The following AGAP1 variants were observed in gnomAD, a reference collection of about 807,000 sequenced individuals.
AGAP1 encodes the protein arf-GAP with GTPase, ANK repeat and PH domain-containing protein 1.
In AGAP1, 29 loss-of-function variants were observed where a neutral mutation model predicts 105.3. That is an observed-to-expected ratio of 0.28 (90% CI 0.21 to 0.38). AGAP1 has a LOEUF of 0.38. Among genes scored for constraint, AGAP1 ranks in the 10% least tolerant of loss-of-function variants. AGAP1 has a pLI of 1.00. For missense variants in AGAP1, 998 were observed against 1,165.1 expected (o/e 0.86, Z 2.09); for synonymous variants, 509 against 485.9 (o/e 1.05, Z -0.63).
Position 235,631,983 on chromosome 2 carries a change from T to C in AGAP1, c.164-77196T>C, listed in dbSNP as rs1396569044. ...TCTGAGACTGGGACAGCAAGGGTCA[T>C]GTTGGCATTGGAAGGGGTCTGGGTT... On this transcript the variant is annotated intron_variant, in intron 1 of 17. Coordinates refer to ENST00000304032, the MANE Select transcript of AGAP1 (RefSeq NM_001037131.3). The surrounding 1 kb of genome is among the most constrained non-coding windows in gnomAD (Gnocchi z 5.4). 6.6e-6 allele frequency among the ~76,000 whole-genome samples: 1 copy of C among 152,188 alleles called. No homozygotes were observed. Among genetic ancestry groups the C allele is most frequent in the African/African-American group, 2.4e-5 (1 of 41,444 alleles).
Position 235,960,787 on chromosome 2 carries a change from A to C in AGAP1, c.1484-7675A>C, listed in dbSNP as rs887220503. On this transcript the variant is annotated intron_variant, in intron 12 of 17. Coordinates refer to ENST00000304032, the MANE Select transcript of AGAP1 (RefSeq NM_001037131.3). The surrounding 1 kb of genome is among the most constrained non-coding windows in gnomAD (Gnocchi z 4.9). ...CGCTTGGTGCGTGGGGACACTCAAC[A>C]GGGAGATGCTTTCTCTGTGTCAATA... Among the ~76,000 whole-genome samples the C allele has an allele frequency of 2.0e-5, 3 of 152,174 alleles. No homozygotes were observed. The highest frequency in any genetic ancestry group is 7.2e-5 in the African/African-American group (3 of 41,428).
chr2:235,767,777 C>CTTT lies in AGAP1; in HGVS notation c.673+17312_673+17314dup, dbSNP rs71414307. Among the ~76,000 whole-genome samples the CTTT allele has an allele frequency of 8.3e-3, 518 of 62,072 alleles. 9 individuals carry two copies. The highest frequency in any genetic ancestry group is 0.012 in the African/African-American group (193 of 15,770). 40.7% of individuals were successfully genotyped at this position (62,072 alleles called of 152,430 possible). ...GGTATAGAATCTTCCAGTTTCTTGT[C>CTTT]TTTTTTTTTTTTTTTTTTTTTTTTT... is the stretch of plus-strand genomic sequence containing the variant. On this transcript the variant is annotated intron_variant, in intron 6 of 17. Transcript: ENST00000304032.
chr2:235,888,714 A>C lies in AGAP1; in HGVS notation c.1155+5265A>C, dbSNP rs1559610719. 6.6e-6 allele frequency among the ~76,000 whole-genome samples: 1 copy of C among 151,916 alleles called. No individual in the cohort carries two copies. Among genetic ancestry groups the C allele is most frequent in the African/African-American group, 2.4e-5 (1 of 41,318 alleles). ...TGCAAGACCCTGTCTTTAAAAAAAA[A>C]AAAAAAGTTGATAGAGGCAGGTACA... On this transcript the variant is annotated intron_variant, in intron 10 of 17. Transcript: ENST00000304032. This position sits in a 1 kb window ranked among gnomAD's most constrained non-coding sequence, Gnocchi z 4.8.
At chr2:235,985,146 T>C (rs2055261232) in intron 13 of AGAP1, among the ~76,000 whole-genome samples, 1 of 152,234 alleles carries the variant, frequency 6.6e-6, no homozygotes, top group Admixed American at 6.5e-5. Context: ...ATCACCATTC[T>C]AACTGGCATG....
rs2054332051 is a variant in AGAP1, at chr2:235,964,992, C to T, written c.1484-3470C>T. Among the ~76,000 whole-genome samples, 2 of 152,188 alleles carry T rather than the reference C, an allele frequency of 1.3e-5. 1 individual carries two copies. Among genetic ancestry groups the T allele is most frequent in the South Asian group, 4.1e-4 (2 of 4,820 alleles). ...AGTGTCTTATTTAAACCTGCCCGCT[C>T]CCACCTCTGCAGTTCCACCACAACC... On this transcript the variant is annotated intron_variant, in intron 12 of 17. Transcript: ENST00000304032. The surrounding 1 kb of genome is among the most constrained non-coding windows in gnomAD (Gnocchi z 4.6).
Position 235,739,115 on chromosome 2 carries a change from C to T in AGAP1, c.311-1848C>T, listed in dbSNP as rs1410941236. Among the ~76,000 whole-genome samples the T allele has an allele frequency of 6.6e-6, 1 of 152,148 alleles. No homozygotes were observed. The highest frequency in any genetic ancestry group is 1.9e-4 in the East Asian group (1 of 5,190). Reference sequence around the variant, plus strand: ...GGTGCTTTGTGTCAACTTATTACTCCTCGCCTGCTAGGACATCATCCCCTT... The same window carrying T: ...GGTGCTTTGTGTCAACTTATTACTCTTCGCCTGCTAGGACATCATCCCCTT... On this transcript the variant is annotated intron_variant, in intron 3 of 17. Coordinates refer to ENST00000304032, the MANE Select transcript of AGAP1 (RefSeq NM_001037131.3). This position sits in a 1 kb window ranked among gnomAD's most constrained non-coding sequence, Gnocchi z 5.3.
intron 6 of AGAP1, among the ~76,000 whole-genome samples, chr2:235,794,264 T>C (rs73998916): frequency 0.02 from 2,980 of 152,236 alleles, 99 homozygotes; most frequent in African/African-American, 0.069. Context: ...ATAGAGGAAG[T>C]GACTTTTAAA....
At chr2:235,783,281 A>G (rs1026143787) in intron 6 of AGAP1, 4 of 462,874 alleles carry the variant, frequency 8.6e-6, no homozygotes, top group African/African-American at 4.0e-5. Context: ...AAGAGTCATT[A>G]TAACCTTTTA....
intron 11 of AGAP1, among the ~76,000 whole-genome samples, chr2:235,915,658 A>AG (rs1286268573): frequency 1.3e-5 from 2 of 152,212 alleles, no homozygotes; most frequent in Non-Finnish European, 2.9e-5. Context: ...TGGGCAACAG[A>AG]GTGAGGCCTG....
At chr2:235,543,942 G>A (rs1943538982) in intron 1 of AGAP1, among the ~76,000 whole-genome samples, 2 of 152,256 alleles carry the variant, frequency 1.3e-5, no homozygotes, top group East Asian at 1.9e-4. Flanking sequence ...CGGCAGATAG[G>A]AAGAGTTCTC....
At chr2:235,546,722 G>A (rs1394422933) in intron 1 of AGAP1, among the ~76,000 whole-genome samples, 1 of 152,190 alleles carries the variant, frequency 6.6e-6, no homozygotes, top group Non-Finnish European at 1.5e-5. Context: ...AGAACCACAT[G>A]AATGACCTCA....
At chr2:235,822,778 TC>T (rs967357797) in intron 9 of AGAP1, among the ~76,000 whole-genome samples, 2 of 152,156 alleles carry the variant, frequency 1.3e-5, no homozygotes, top group African/African-American at 4.8e-5. Context: ...GAGTGGACCT[TC>T]CCAGATAGAT....
intron 9 of AGAP1, among the ~76,000 whole-genome samples, chr2:235,815,849 C>T (rs898908728): frequency 1.3e-5 from 2 of 152,218 alleles, no homozygotes; most frequent in African/African-American, 2.4e-5. Context: ...GCGTAGCTCT[C>T]ACTCTGTGCA....
At chr2:235,884,955 T>G (rs981549778) in intron 10 of AGAP1, among the ~76,000 whole-genome samples, 1 of 152,112 alleles carries the variant, frequency 6.6e-6, no homozygotes, top group Non-Finnish European at 1.5e-5. Context: ...TCAAGCAATC[T>G]GCCTAACCTC....
chr2:235,802,823 T>C (rs1288040167), intron 8 of AGAP1, among the ~76,000 whole-genome samples: 104 of 38,566 alleles, frequency 2.7e-3, no homozygotes, highest in Admixed American at 9.6e-3. Flanking sequence ...GGTGATGTTG[T>C]GGTTGTGATG....
At chr2:235,512,615 A>G (rs1559213578) in intron 1 of AGAP1, among the ~76,000 whole-genome samples, 2 of 151,934 alleles carry the variant, frequency 1.3e-5, no homozygotes, top group African/African-American at 4.8e-5. Flanking sequence ...CAATCAATCA[A>G]TCAGTCAATC....
At chr2:235,641,352 CTTT>C (rs780704187) in intron 1 of AGAP1, among the ~76,000 whole-genome samples, 2 of 137,280 alleles carry the variant, frequency 1.5e-5, no homozygotes. Flanking sequence ...TCCTTCCTTC[CTTT>C]TTTTTTTTTT....
rs1331311943 is a variant in AGAP1 at position 235,690,700 on chromosome 2, C to T, written c.164-18479C>T. Among the ~76,000 whole-genome samples the T allele has an allele frequency of 1.3e-5, 2 of 152,168 alleles. No homozygotes were observed. The highest frequency in any genetic ancestry group is 1.9e-4 in the East Asian group (1 of 5,176). On this transcript the variant is annotated intron_variant, in intron 1 of 17. Transcript: ENST00000304032. This position sits in a 1 kb window ranked among gnomAD's most constrained non-coding sequence, Gnocchi z 4.1. ...TGAAGGAGCTCTTTGGAAAGAGGTG[C>T]AGGCTTCCGGCTATTGGTAGACACC...
intron 9 of AGAP1, among the ~76,000 whole-genome samples, chr2:235,831,082 G>T (rs1008421880): frequency 6.6e-6 from 1 of 151,824 alleles, no homozygotes; most frequent in African/African-American, 2.4e-5. Context: ...AGTCACAGTG[G>T]TACCAGCACC....
Sources: gnomAD v4.1 joint callset for allele counts (sites outside exome capture counted in the v4.1 genomes callset) on GRCh38, gnomAD v4.1.1 for gene constraint, Gnocchi (gnomAD v3.1) non-coding constraint, MANE v1.5 for transcripts, NCBI Gene and HGNC (gene_info 2026-07-23, HGNC 2026-07-21) for gene names.